The following ARID5B variants were observed in gnomAD, a reference collection of about 807,000 sequenced individuals.
ARID5B encodes the protein AT-rich interactive domain-containing protein 5B.
In ARID5B, 13 loss-of-function variants were observed where a neutral mutation model predicts 97.2. The ratio of observed to expected loss-of-function variants is 0.13; its 90% confidence interval spans 0.09 to 0.21. The LOEUF is 0.21. Ranked by LOEUF, ARID5B falls within the 10% of genes least tolerant of loss-of-function variation. ARID5B has a pLI of 1.00. For synonymous variants in ARID5B, 556 were observed against 570.3 expected (o/e 0.97, Z 0.36); for missense variants, 1,210 against 1,465.3 (o/e 0.83, Z 2.84).
chr10:61,974,701 G>A (rs375489119), intron 3 of ARID5B, among the ~76,000 whole-genome samples: 22 of 152,208 alleles, frequency 1.4e-4, no homozygotes, highest in African/African-American at 3.1e-4. Context: ...ATTTACATGC[G>A]CTTTTCTCCT....
chr10:62,044,246 G>T (rs1443384840), intron 4 of ARID5B, among the ~76,000 whole-genome samples: 1 of 152,078 alleles, frequency 6.6e-6, no homozygotes, highest in Non-Finnish European at 1.5e-5. Flanking sequence ...AGTGTGATGA[G>T]TGTAAAATTT....
At chr10:62,026,963 G>C (rs1013892678) in intron 4 of ARID5B, among the ~76,000 whole-genome samples, 3 of 152,196 alleles carry the variant, frequency 2.0e-5, no homozygotes, top group African/African-American at 7.2e-5. Context: ...ATAAAAGCTA[G>C]TGGGGAATGA....
At chr10:61,979,653 A>C (rs550172856) in intron 3 of ARID5B, among the ~76,000 whole-genome samples, 1 of 152,180 alleles carries the variant, frequency 6.6e-6, no homozygotes, top group South Asian at 2.1e-4. Flanking sequence ...TTAGCAAACC[A>C]GGGGTCTACC....
At chr10:61,945,714 A>G (rs1358173281) in intron 3 of ARID5B, among the ~76,000 whole-genome samples, 1 of 152,156 alleles carries the variant, frequency 6.6e-6, no homozygotes, top group Non-Finnish European at 1.5e-5. Flanking sequence ...CTGAGAACAA[A>G]TTAGTTAATA....
intron 3 of ARID5B, among the ~76,000 whole-genome samples, chr10:61,985,852 A>T (rs570699660): frequency 1.6e-4 from 24 of 152,236 alleles, no homozygotes; most frequent in South Asian, 4.1e-4. Flanking sequence ...CTAAGGGGTT[A>T]AAAGTAAAGA....
intron 3 of ARID5B, among the ~76,000 whole-genome samples, chr10:61,968,921 T>C (rs1021166690): frequency 2.0e-5 from 3 of 152,202 alleles, no homozygotes; most frequent in African/African-American, 7.2e-5. Flanking sequence ...CCAAAGTGAA[T>C]AGAACAATAA....
intron 4 of ARID5B, among the ~76,000 whole-genome samples, chr10:62,040,454 CTT>C (rs1162894760): frequency 7.9e-5 from 12 of 152,078 alleles, no homozygotes; most frequent in Non-Finnish European, 1.8e-4. Context: ...TGAATCGTGA[CTT>C]TTGCTGATTA....
In ARID5B at chr10:62,091,962, G is replaced by T. The variant is rs769733313; in HGVS notation, c.2499G>T (p.Ser833=). The change falls in exon 10 of 10, where the codon TCG becomes TCT. Residue 833 remains serine, a synonymous_variant. Coordinates refer to ENST00000279873, the MANE Select transcript of ARID5B (RefSeq NM_032199.3). ...CTAGCTTCCTGGCTGACTTCTACTC[G>T]TCCCCTCATCTCCATAGCCTCTACA... The part of the protein sequence containing the change: ...HMPSFLADFY[S]SPHLHSLYRH... The T allele has an allele frequency of 3.7e-6, 6 of 1,613,022 alleles. No homozygotes were observed. Among genetic ancestry groups the T allele is most frequent in the Admixed American group, 1.7e-5 (1 of 59,860 alleles).
intron 3 of ARID5B, among the ~76,000 whole-genome samples, chr10:61,993,543 T>A (rs572664463): frequency 6.6e-6 from 1 of 152,348 alleles, no homozygotes; most frequent in Non-Finnish European, 1.5e-5. Context: ...TTCTTCATGT[T>A]ACAATGTTGG....
At position 61,902,146 on chromosome 10, in the gene ARID5B, T is replaced by TC. The variant is rs761751447; in HGVS notation, c.22-6dup. The TC allele has an allele frequency of 1.0e-4, 163 of 1,609,990 alleles. No homozygotes were observed. The highest frequency in any genetic ancestry group is 2.2e-4 in the Middle Eastern group (1 of 4,584). ...CTACATTATTTATTTGGTGTTTTTT[T>TC]CCCCCCCTGCAGTGGGTCGGCTCAC... On this transcript the variant is annotated splice_polypyrimidine_tract_variant and intron_variant, in intron 1 of 9. Transcript: ENST00000279873.
At chr10:61,906,851 G>A (rs1377043590) in intron 2 of ARID5B, among the ~76,000 whole-genome samples, 3 of 152,162 alleles carry the variant, frequency 2.0e-5, no homozygotes, top group Non-Finnish European at 2.9e-5. Flanking sequence ...CTGTGCCTCC[G>A]TTTTCTCATC....
chr10:62,074,881 C>T (rs80282423), intron 8 of ARID5B, among the ~76,000 whole-genome samples: 5,333 of 152,294 alleles, frequency 0.035, 348 homozygotes, highest in Admixed American at 0.16. Flanking sequence ...GATACACTTA[C>T]GCTGAAATTT....
chr10:62,034,016 T>A (rs1839529987), intron 4 of ARID5B, among the ~76,000 whole-genome samples: 1 of 152,170 alleles, frequency 6.6e-6, no homozygotes, highest in South Asian at 2.1e-4. Context: ...GAAGGAAAGA[T>A]GACATATCTT....
chr10:61,946,238 T>A (rs796533117), intron 3 of ARID5B, among the ~76,000 whole-genome samples: 22 of 152,182 alleles, frequency 1.4e-4, no homozygotes, highest in African/African-American at 5.3e-4. Flanking sequence ...TGCAAATGGT[T>A]GTTTCAGATC....
intron 3 of ARID5B, among the ~76,000 whole-genome samples, chr10:61,980,991 C>T (rs1462226665): frequency 2.0e-5 from 3 of 152,208 alleles, no homozygotes; most frequent in Non-Finnish European, 4.4e-5. Context: ...TTCATCTGGG[C>T]ACAGGCCTCT....
At chr10:62,087,942 G>C (rs1242555211) in intron 9 of ARID5B, among the ~76,000 whole-genome samples, 1 of 150,302 alleles carries the variant, frequency 6.7e-6, no homozygotes, top group African/African-American at 2.5e-5. Flanking sequence ...TCGGTTCATT[G>C]CAACCTCCGC....
intron 3 of ARID5B, among the ~76,000 whole-genome samples, chr10:61,998,280 G>A (rs868233555): frequency 6.6e-6 from 1 of 152,212 alleles, no homozygotes; most frequent in Non-Finnish European, 1.5e-5. Context: ...GTCTCCCACT[G>A]GTTACCAGAT....
At chr10:62,064,388 T>C (rs1477512515) in intron 7 of ARID5B, among the ~76,000 whole-genome samples, 1 of 152,204 alleles carries the variant, frequency 6.6e-6, no homozygotes, top group African/African-American at 2.4e-5. Context: ...CCAGGCAACA[T>C]TGCTTTCAGG....
intron 9 of ARID5B, among the ~76,000 whole-genome samples, chr10:62,087,426 C>T (rs1462917936): frequency 6.6e-6 from 1 of 150,398 alleles, no homozygotes; most frequent in Non-Finnish European, 1.5e-5. Flanking sequence ...CTTTTTAAGC[C>T]CCCAACAGCC....
Sources: gnomAD v4.1 joint callset for allele counts (sites outside exome capture counted in the v4.1 genomes callset) on GRCh38, gnomAD v4.1.1 for gene constraint, MANE v1.5 for transcripts, NCBI Gene and HGNC (gene_info 2026-07-23, HGNC 2026-07-21) for gene names.